Variants in NQO1 observed in about 807,000 individuals in gnomAD.
NQO1 encodes NAD(P)H dehydrogenase [quinone] 1.
Under a neutral mutation model 32.1 loss-of-function variants are expected in NQO1, and 30 were observed. The ratio of observed to expected loss-of-function variants is 0.94; its 90% CI spans 0.70 to 1.27. The LOEUF (loss-of-function observed/expected upper bound fraction) is 1.27, where lower values mean the gene tolerates loss of function less well. Among genes scored for constraint, NQO1 ranks in the 50% most tolerant of loss-of-function variants. NQO1 has a pLI of 0.00. For synonymous variants in NQO1, 109 were observed against 119.7 expected (o/e 0.91, Z 0.59); for missense variants, 276 against 331.3 (o/e 0.83, Z 1.30).
chr16:69,716,377 A>G (rs1313789220), intron 3 of NQO1, among the ~76,000 whole-genome samples: 1 of 151,680 alleles, frequency 6.6e-6, no homozygotes, highest in Non-Finnish European at 1.5e-5. Context: ...CTGTAGTCCC[A>G]GCTACTTGGG....
At chr16:69,713,888 G>GTTT (rs376877333) in intron 4 of NQO1, among the ~76,000 whole-genome samples, 21 of 130,084 alleles carry the variant, frequency 1.6e-4, no homozygotes, top group South Asian at 5.5e-4. Context: ...TTTTGTTTTT[G>GTTT]TTTTTGATAT....
At chr16:69,712,581 G>A (rs1033632093) in intron 5 of NQO1, among the ~76,000 whole-genome samples, 2 of 152,200 alleles carry the variant, frequency 1.3e-5, no homozygotes, top group African/African-American at 4.8e-5. Context: ...GTTCTTAAAG[G>A]AGGCTCCCAT....
At chr16:69,722,503 C>T (rs1483445168) in intron 1 of NQO1, among the ~76,000 whole-genome samples, 6 of 152,148 alleles carry the variant, frequency 3.9e-5, no homozygotes, top group East Asian at 1.9e-4. Context: ...CTAGAAATAA[C>T]TAAAATAACT....
chr16:69,718,074 C>G (rs767160308), intron 3 of NQO1, 49 bp downstream of exon 3: 1 of 1,610,406 alleles, frequency 6.2e-7, no homozygotes, highest in South Asian at 1.1e-5. Context: ...ATGTCTAGGA[C>G]AATAAGCACG....
Position 69,726,513 on chromosome 16 carries a change from C to A in NQO1, c.-74G>T. 6.3e-7 allele frequency: 1 copy of A among 1,582,716 alleles called. No individual in the cohort carries two copies. ...GGGCGACCCTGGCCGGAACTAGGCT[C>A]TCGGTGAGCTGGGCGGCTCCGGCTG... On this transcript the variant is annotated 5_prime_UTR_variant, in exon 1 of 6. Coordinates refer to ENST00000320623, the MANE Select transcript of NQO1 (RefSeq NM_000903.3).
At chr16:69,720,599 T>C (rs2917675) in intron 1 of NQO1, among the ~76,000 whole-genome samples, 130,868 of 151,028 alleles carry the variant, frequency 0.87, 56,886 homozygotes, top group Admixed American at 0.92. Context: ...GGCATGAACT[T>C]GGCTCACTGC....
chr16:69,710,514 G>A lies in NQO1; in HGVS notation c.*462C>T, dbSNP rs2038024353. The stretch of plus-strand genomic sequence containing the variant: ...TGAAAGCAAGAAATATCATAAACAA[G>A]CATTAGATGGCTAACTACCAAACAA... On this transcript the variant is annotated 3_prime_UTR_variant, in exon 6 of 6. Transcript: ENST00000320623. 6.1e-6 allele frequency: 1 copy of A among 162,684 alleles called. No homozygotes were observed. The highest frequency in any genetic ancestry group is 5.9e-5 in the Admixed American group (1 of 16,886). 10.1% of individuals were successfully genotyped at this position (162,684 alleles called of 1,614,324 possible). A position where few individuals can be genotyped will look rare whatever the true frequency, so the allele number is the denominator to read the frequency against.
intron 3 of NQO1, 94 bp from the exon 4 acceptor site, chr16:69,715,171 G>C: frequency 1.2e-6 from 1 of 852,708 alleles, no homozygotes; most frequent in Non-Finnish European, 2.0e-6. Context: ...TGATGGCACT[G>C]TGTGGGAAGC....
intron 5 of NQO1, among the ~76,000 whole-genome samples, chr16:69,711,758 G>T (rs2038044972): frequency 6.6e-6 from 1 of 151,684 alleles, no homozygotes; most frequent in Non-Finnish European, 1.5e-5. Flanking sequence ...GGTTCAAGCG[G>T]TTCTCCTGCC....
chr16:69,714,956 C>T lies in NQO1; in HGVS notation c.417+8G>A, dbSNP rs367619691. 143 of 1,595,964 alleles carry T rather than the reference C, an allele frequency of 9.0e-5. No homozygotes were observed. The highest frequency in any genetic ancestry group is 1.2e-4 in the Non-Finnish European group (136 of 1,163,842). ...TGGCTGTCAGAGCATTCAGAACCAT[C>T]CACCTACCCGGAAGGGTCCTTTGTC... On this transcript the variant is annotated splice_region_variant and intron_variant, in intron 4 of 5. Transcript: ENST00000320623.
chr16:69,714,023 G>A (rs1345082922), intron 4 of NQO1, among the ~76,000 whole-genome samples: 2 of 151,816 alleles, frequency 1.3e-5, no homozygotes, highest in African/African-American at 4.8e-5. Flanking sequence ...CTACAGGCAC[G>A]TGCCACCGCA....
At chr16:69,717,978 T>C (rs1047117538) in intron 3 of NQO1, 145 bp downstream of exon 3, 1 of 1,150,868 alleles carries the variant, frequency 8.7e-7, no homozygotes, top group Non-Finnish European at 1.2e-6. Context: ...ATCCATGTAA[T>C]ACTGCACCTT....
chr16:69,710,011 T>C lies in NQO1; in HGVS notation c.*965A>G. ...ATTGCAGATGTACGGTGTGGATTTA[T>C]TGGTTTATCTCTGCAAACCTTAAAG... On this transcript the variant is annotated 3_prime_UTR_variant, in exon 6 of 6. Coordinates refer to ENST00000320623, the MANE Select transcript of NQO1 (RefSeq NM_000903.3). 1 of 378,740 alleles carries C rather than the reference T, an allele frequency of 2.6e-6. No homozygotes were observed. Among genetic ancestry groups the C allele is most frequent in the Non-Finnish European group, 4.7e-6 (1 of 214,020 alleles). The allele number at this position is 378,740 out of a possible 1,614,324, so 23.5% of individuals were successfully genotyped here.
At chr16:69,722,144 T>C (rs1369619659) in intron 1 of NQO1, among the ~76,000 whole-genome samples, 7 of 137,040 alleles carry the variant, frequency 5.1e-5, no homozygotes, top group Non-Finnish European at 9.4e-5. Context: ...AGAGAAGGCA[T>C]CTGCAACTTT....
At chr16:69,719,991 G>A (rs1046243684) in intron 1 of NQO1, among the ~76,000 whole-genome samples, 3 of 151,922 alleles carry the variant, frequency 2.0e-5, no homozygotes, top group Non-Finnish European at 2.9e-5. Context: ...GGTTGCTCAC[G>A]CTTCTAATTC....
chr16:69,714,827 C>T (rs531472358), intron 4 of NQO1, 137 bp downstream of exon 4: 44 of 614,372 alleles, frequency 7.2e-5, no homozygotes, highest in African/African-American at 5.7e-4. Flanking sequence ...TGCAGTGAGC[C>T]GAGATCCCGC....
At chr16:69,713,878 T>TTTTTGTTTTTGTTTTTTTTTTTTTTG in intron 4 of NQO1, among the ~76,000 whole-genome samples, 1 of 138,796 alleles carries the variant, frequency 7.2e-6, no homozygotes, top group African/African-American at 2.7e-5. Context: ...CTAATTTTTT[T>TTTTTGTTTTTGTTTTTTTTTTTTTTG]TTTGTTTTTG....
chr16:69,717,800 A>T (rs757488486), intron 3 of NQO1, among the ~76,000 whole-genome samples: 54 of 152,136 alleles, frequency 3.5e-4, no homozygotes, highest in Non-Finnish European at 6.2e-4. Flanking sequence ...TTTAGTAAAG[A>T]CAGGGTTTCA....
chr16:69,724,492 C>G (rs2361839), intron 1 of NQO1, among the ~76,000 whole-genome samples: 2 of 151,266 alleles, frequency 1.3e-5, no homozygotes, highest in African/African-American at 4.9e-5. Context: ...CACTCCCAGC[C>G]AAAATTTTTT....
Sources: gnomAD v4.1 joint callset for allele counts (sites outside exome capture counted in the v4.1 genomes callset) on GRCh38, gnomAD v4.1.1 for gene constraint, MANE v1.5 for transcripts, NCBI Gene and HGNC (gene_info 2026-07-23, HGNC 2026-07-21) for gene names.